The following GOLGA8H variants were observed in gnomAD, a reference collection of about 807,000 sequenced individuals.
GOLGA8H encodes the protein golgin A8 family member H, also known as golgin subfamily A member 8H.
Under a neutral mutation model 82.7 loss-of-function variants are expected in GOLGA8H, and 47 were observed. That is an observed-to-expected ratio of 0.57 (90% CI 0.45 to 0.73). GOLGA8H has a LOEUF of 0.73. Among genes scored for constraint, GOLGA8H ranks in the 30% least tolerant of loss-of-function variants. The pLI, the probability that GOLGA8H is intolerant of heterozygous loss-of-function variation, is 0.00. For missense variants in GOLGA8H, 372 were observed against 661.0 expected (o/e 0.56, Z 4.79); for synonymous variants, 108 against 241.6 (o/e 0.45, Z 5.13).
intron 14 of GOLGA8H, 25 bp downstream of exon 14, chr15:30,612,697 A>AG: frequency 6.3e-7 from 1 of 1,582,156 alleles, no homozygotes; most frequent in East Asian, 2.2e-5. Context: ...TCAGAGGAAG[A>AG]GGAGAGAGCC....
At chr15:30,606,215 C>T (rs1486510243) in intron 2 of GOLGA8H, among the ~76,000 whole-genome samples, 3 of 151,378 alleles carry the variant, frequency 2.0e-5, no homozygotes, top group African/African-American at 7.3e-5. Context: ...ATTAGCCAAG[C>T]GTGGTGGCGT....
chr15:30,609,973 C>A (rs775248868), intron 9 of GOLGA8H, 26 bp from the exon 10 acceptor site: 1 of 1,608,286 alleles, frequency 6.2e-7, no homozygotes, highest in East Asian at 2.2e-5. Flanking sequence ...GACAGCCCTT[C>A]CTAAGTTCTG....
intron 10 of GOLGA8H, 36 bp downstream of exon 10, chr15:30,610,142 A>G (rs1350024404): frequency 1.9e-6 from 3 of 1,608,958 alleles, no homozygotes; most frequent in Non-Finnish European, 2.5e-6. Context: ...CACATTAGAT[A>G]GGTCACTGGA....
chr15:30,608,923 T>G (rs1385915112), intron 8 of GOLGA8H, among the ~76,000 whole-genome samples, 167 bp downstream of exon 8: 3 of 132,294 alleles, frequency 2.3e-5, no homozygotes, highest in South Asian at 4.6e-4. Flanking sequence ...CTGAGTCAGC[T>G]GCTGTGGGTG....
intron 10 of GOLGA8H, 97 bp from the exon 11 acceptor site, chr15:30,610,205 T>C: frequency 6.6e-7 from 1 of 1,516,602 alleles, no homozygotes; most frequent in Admixed American, 1.7e-5. Context: ...TGGTCATGGG[T>C]CTGGGCTTTG....
chr15:30,617,651 AG>A lies in GOLGA8H; in HGVS notation c.*3091del, dbSNP rs1423911365. ...TACCAGTTTATGAATTATTGTAAAC[AG>A]AATGTGTCATGGAAATACTGAAAGA... On this transcript the variant is annotated 3_prime_UTR_variant, in exon 19 of 19. Transcript: ENST00000566740. 3.3e-5 allele frequency: 5 copies of A among 152,216 alleles called. No individual in the cohort carries two copies. The highest frequency in any genetic ancestry group is 1.2e-4 in the African/African-American group (5 of 41,418). 9.4% of individuals were successfully genotyped at this position (152,216 alleles called of 1,614,324 possible).
Position 30,613,985 on chromosome 15 carries a change from G to T in GOLGA8H, c.1502G>T (p.Gly501Val), listed in dbSNP as rs1347254615. The change falls in exon 17 of 19, where the codon GGC (glycine) becomes GTC (valine). Residue 501 changes from glycine to valine, a missense_variant. Gly to Val is a moderately radical substitution (Grantham distance 109, BLOSUM62 -3). Coordinates refer to ENST00000566740, the MANE Select transcript of GOLGA8H (RefSeq NM_001282490.2). ...KTHHLLSEPG[G>V]RAKDAALGGG... ...CATCACCTTTTATCAGAACCAGGGG[G>T]CCGTGCCAAAGATGCGGCACTGGGA... is the stretch of plus-strand genomic sequence containing the variant. 2.0e-6 allele frequency: 3 copies of T among 1,467,734 alleles called. No homozygotes were observed. The highest frequency in any genetic ancestry group is 1.5e-5 in the African/African-American group (1 of 68,482). The allele number at this position is 1,467,734 out of a possible 1,614,324, so 90.9% of individuals were successfully genotyped here.
chr15:30,604,347 G>C (rs2059897781), intron 1 of GOLGA8H, among the ~76,000 whole-genome samples, 174 bp downstream of exon 1: 1 of 142,846 alleles, frequency 7.0e-6, no homozygotes, highest in South Asian at 2.2e-4. Flanking sequence ...CCTTCAGCAA[G>C]CAGCCCAGTC....
In GOLGA8H at chr15:30,616,735, G is replaced by GT. The variant is rs1419481997; in HGVS notation, c.*2180dup. ...AATCAGCCACATTATTTGGTCTAAC[G>GT]TTTTTTCTTTTATCATTCTGAAACT... is the stretch of plus-strand genomic sequence containing the variant. On this transcript the variant is annotated 3_prime_UTR_variant, in exon 19 of 19. Transcript: ENST00000566740. Among the ~76,000 whole-genome samples the GT allele has an allele frequency of 1.4e-5, 2 of 139,878 alleles. No homozygotes were observed. Among genetic ancestry groups the GT allele is most frequent in the East Asian group, 2.3e-4 (1 of 4,344 alleles). The allele number at this position is 139,878 out of a possible 152,430, so 91.8% of individuals were successfully genotyped here.
Position 30,613,399 on chromosome 15 carries a change from C to T in GOLGA8H, c.1368+204C>T, listed in dbSNP as rs2060055210. Among the ~76,000 whole-genome samples, 2 of 93,418 alleles carry T rather than the reference C, an allele frequency of 2.1e-5. 1 individual carries two copies. The highest frequency in any genetic ancestry group is 4.4e-5 in the Non-Finnish European group (2 of 45,820). The allele number at this position is 93,418 out of a possible 152,430, so 61.3% of individuals were successfully genotyped here. A position where few individuals can be genotyped will look rare whatever the true frequency, so the allele number is the denominator to read the frequency against. On this transcript the variant is annotated intron_variant, in intron 15 of 18. Coordinates refer to ENST00000566740, the MANE Select transcript of GOLGA8H (RefSeq NM_001282490.2). ...GAAGGGGCTGCGCTCCACCTCTCTG[C>T]CCCATTTCTTCTGTGTATGCCCCTA...
chr15:30,604,306 C>A (rs1250174687), intron 1 of GOLGA8H, 133 bp downstream of exon 1: 4 of 1,517,012 alleles, frequency 2.6e-6, no homozygotes, highest in Non-Finnish European at 1.8e-6. Context: ...TCTGGGCTAC[C>A]CCCATCAAAG....
In GOLGA8H at chr15:30,608,514, C is replaced by A. The variant is rs570682860; in HGVS notation, c.444C>A (p.Asp148Glu). 2 of 1,610,800 alleles carry A rather than the reference C, an allele frequency of 1.2e-6. No homozygotes were observed. The highest frequency in any genetic ancestry group is 1.3e-5 in the African/African-American group (1 of 74,376). Residue 148 changes from aspartate (D) to glutamate (E), a missense_variant, in exon 7 of 19, where the codon GAC becomes GAA. Asp to Glu is a conservative substitution (Grantham distance 45, BLOSUM62 2). Coordinates refer to ENST00000566740, the MANE Select transcript of GOLGA8H (RefSeq NM_001282490.2). ...TACAGAAAGGGAAACTAAATACGGACCTGTACCACATGAAACGTTCTCTCA... is the reference window on the plus strand; with the variant it reads ...TACAGAAAGGGAAACTAAATACGGAACTGTACCACATGAAACGTTCTCTCA... ...LNIQKGKLNT[D>E]LYHMKRSLRY...
rs1595650840 is a variant in GOLGA8H, at chr15:30,617,664, G to A, written c.*3103G>A. The A allele has an allele frequency of 2.0e-5, 3 of 152,336 alleles. No individual in the cohort carries two copies. 9.4% of individuals were successfully genotyped at this position (152,336 alleles called of 1,614,324 possible). A position where few individuals can be genotyped will look rare whatever the true frequency, so the allele number is the denominator to read the frequency against. On this transcript the variant is annotated 3_prime_UTR_variant, in exon 19 of 19. Transcript: ENST00000566740. ...ATTATTGTAAACAGAATGTGTCATG[G>A]AAATACTGAAAGATTTTTCCCTAGA...
intron 2 of GOLGA8H, among the ~76,000 whole-genome samples, chr15:30,606,368 A>T (rs1595616063): frequency 6.7e-6 from 1 of 149,830 alleles, no homozygotes; most frequent in African/African-American, 2.5e-5. Flanking sequence ...AAAAAAAAAA[A>T]GGAATTCTGG....
rs2059969796 is a variant in GOLGA8H at position 30,608,847 on chromosome 15, C to T, written c.591+91C>T. The T allele has an allele frequency of 3.3e-6, 4 of 1,215,382 alleles. No individual in the cohort carries two copies. In the South Asian group the frequency reaches 3.8e-5, roughly 12 times the overall value. 75.3% of individuals were successfully genotyped at this position (1,215,382 alleles called of 1,614,324 possible). On this transcript the variant is annotated intron_variant, in intron 8 of 18. Transcript: ENST00000566740. Reference sequence around the variant, plus strand: ...GGTCCCTTCTGCAGGATGGCGTGTCCTGCCCAGAAGGCAGCATGGCCATTT... The same window carrying T: ...GGTCCCTTCTGCAGGATGGCGTGTCTTGCCCAGAAGGCAGCATGGCCATTT...
Position 30,608,520 on chromosome 15 carries a change from C to T in GOLGA8H, c.450C>T (p.Tyr150=). ...IQKGKLNTDL[Y]HMKRSLRYFE... is the part of the protein sequence containing the mutation. ...AAGGGAAACTAAATACGGACCTGTA[C>T]CACATGAAACGTTCTCTCAGATACT... The change falls in exon 7 of 19, where the codon TAC becomes TAT. Residue 150 remains tyrosine (Y), a synonymous_variant. Coordinates refer to ENST00000566740, the MANE Select transcript of GOLGA8H (RefSeq NM_001282490.2). 6.2e-7 allele frequency: 1 copy of T among 1,610,758 alleles called. No homozygotes were observed. Among genetic ancestry groups the T allele is most frequent in the Non-Finnish European group, 8.5e-7 (1 of 1,179,596 alleles).
At chr15:30,604,260 G>A in intron 1 of GOLGA8H, 87 bp downstream of exon 1, 3 of 1,474,664 alleles carry the variant, frequency 2.0e-6, no homozygotes, top group South Asian at 1.2e-5. Flanking sequence ...TACGACTCCT[G>A]AGGCACACTG....
chr15:30,604,113 TC>T lies in GOLGA8H; in HGVS notation c.-9del. 3.3e-6 allele frequency: 5 copies of T among 1,526,592 alleles called. 1 individual carries two copies. The highest frequency in any genetic ancestry group is 3.1e-5 in the African/African-American group (2 of 65,478). The allele number at this position is 1,526,592 out of a possible 1,614,324, so 94.6% of individuals were successfully genotyped here. The stretch of plus-strand genomic sequence containing the variant: ...TGCTGTGACCCCAACCCTGCCTCCC[TC>T]CCCACCCTGCGATGGCAGAAGAAAC... On this transcript the variant is annotated 5_prime_UTR_variant, in exon 1 of 19. Transcript: ENST00000566740.
At chr15:30,610,249 G>C in intron 10 of GOLGA8H, 53 bp from the exon 11 acceptor site, 1 of 896,468 alleles carries the variant, frequency 1.1e-6, no homozygotes, top group East Asian at 2.5e-5. Flanking sequence ...AGGGCAGCCT[G>C]TCCAGCCTCC....
Sources: gnomAD v4.1 joint callset for allele counts (sites outside exome capture counted in the v4.1 genomes callset) on GRCh38, gnomAD v4.1.1 for gene constraint, MANE v1.5 for transcripts, NCBI Gene and HGNC (gene_info 2026-07-23, HGNC 2026-07-21) for gene names.